The following NXN variants were observed in gnomAD, a reference collection of about 807,000 sequenced individuals.
NXN encodes the protein nucleoredoxin, also known as nucleoredoxin 1.
A neutral mutation model predicts 48.6 loss-of-function variants in NXN; 16 were observed. The observed-to-expected ratio is 0.33, with a 90% CI of 0.22 to 0.50. The LOEUF (loss-of-function observed/expected upper bound fraction) is 0.50. Ranked by LOEUF, NXN falls within the 20% of genes least tolerant of loss-of-function variation. The pLI is 0.98. For synonymous variants in NXN, 281 were observed against 269.6 expected (o/e 1.04, Z -0.41); for missense variants, 492 against 605.5 (o/e 0.81, Z 1.97).
intron 3 of NXN, among the ~76,000 whole-genome samples, chr17:823,204 G>C (rs1314304931): frequency 6.6e-6 from 1 of 152,056 alleles, no homozygotes; most frequent in African/African-American, 2.4e-5. Flanking sequence ...TTCGAGACCA[G>C]CCTGGCCAAC....
intron 1 of NXN, among the ~76,000 whole-genome samples, chr17:933,647 T>TCCCC (rs2068876926): frequency 6.6e-6 from 1 of 151,666 alleles, no homozygotes; most frequent in Non-Finnish European, 1.5e-5. Flanking sequence ...ATCTTGAAAT[T>TCCCC]CCCCCTTTCA....
chr17:876,374 G>A (rs750090473), intron 1 of NXN, among the ~76,000 whole-genome samples: 4 of 152,144 alleles, frequency 2.6e-5, no homozygotes, highest in Non-Finnish European at 1.5e-5. Context: ...AGGTGACAGA[G>A]GGACTTAAGA....
chr17:854,293 A>G (rs1411868354), intron 1 of NXN, among the ~76,000 whole-genome samples: 1 of 152,190 alleles, frequency 6.6e-6, no homozygotes, highest in Non-Finnish European at 1.5e-5. Context: ...TGCCGCTAGA[A>G]TATTTTTCAG....
intron 5 of NXN, among the ~76,000 whole-genome samples, chr17:810,915 T>TAAA (rs1911959528): frequency 1.3e-5 from 2 of 151,910 alleles, no homozygotes; most frequent in South Asian, 4.2e-4. Context: ...ACAAAACACA[T>TAAA]AAAAGAGAAC....
At chr17:969,184 C>A (rs1417470925) in intron 1 of NXN, among the ~76,000 whole-genome samples, 2 of 152,126 alleles carry the variant, frequency 1.3e-5, no homozygotes, top group African/African-American at 4.8e-5. Flanking sequence ...GCACCAGGCA[C>A]CATCCTAAGT....
intron 1 of NXN, among the ~76,000 whole-genome samples, chr17:831,717 T>C (rs1165040806): frequency 6.6e-6 from 1 of 151,782 alleles, no homozygotes; most frequent in African/African-American, 2.4e-5. Flanking sequence ...CCAGGCTGGT[T>C]TGGAACTCCT....
intron 1 of NXN, among the ~76,000 whole-genome samples, chr17:973,772 C>T (rs975295696): frequency 6.6e-6 from 1 of 151,866 alleles, no homozygotes; most frequent in Admixed American, 6.6e-5. Context: ...CTCCACCTCT[C>T]GGGTTCAAGC....
At chr17:922,976 G>A (rs915042402) in intron 1 of NXN, among the ~76,000 whole-genome samples, 2 of 151,958 alleles carry the variant, frequency 1.3e-5, no homozygotes, top group African/African-American at 2.4e-5. Context: ...ACAAGGTGCC[G>A]TGTGTGGCTC....
chr17:958,062 G>A lies in NXN; in HGVS notation c.360+21257C>T, dbSNP rs370761542. Among the ~76,000 whole-genome samples the A allele has an allele frequency of 5.9e-5, 9 of 152,192 alleles. No individual in the cohort carries two copies. The highest frequency in any genetic ancestry group is 1.9e-4 in the East Asian group (1 of 5,184). On this transcript the variant is annotated intron_variant, in intron 1 of 7. Transcript: ENST00000336868. This position sits in a 1 kb window ranked among gnomAD's most constrained non-coding sequence, Gnocchi z 6.9. Reference sequence around the variant, plus strand: ...GCTCCATCCTATACTTAGGCGCCTCGGCAGGATCAAATGAACCCTCTCCGT... The same window carrying A: ...GCTCCATCCTATACTTAGGCGCCTCAGCAGGATCAAATGAACCCTCTCCGT...
At chr17:824,311 T>C (rs1433742829) in intron 2 of NXN, among the ~76,000 whole-genome samples, 2 of 152,072 alleles carry the variant, frequency 1.3e-5, no homozygotes, top group African/African-American at 4.8e-5. Flanking sequence ...CCTCCCAAAG[T>C]GCTGGAATTA....
intron 5 of NXN, among the ~76,000 whole-genome samples, chr17:818,640 CTTTGGG>C (rs1172966060): frequency 1.3e-5 from 2 of 152,164 alleles, no homozygotes; most frequent in Admixed American, 6.5e-5. Context: ...CATCCCAGCA[CTTTGGG>C]AGGTCGAGGC....
intron 5 of NXN, among the ~76,000 whole-genome samples, chr17:813,519 TATA>T (rs1358585578): frequency 6.6e-6 from 1 of 152,262 alleles, no homozygotes; most frequent in African/African-American, 2.4e-5. Flanking sequence ...CCTGGAATGA[TATA>T]ATGATTTCCT....
intron 5 of NXN, among the ~76,000 whole-genome samples, chr17:812,770 G>C (rs1265834838): frequency 6.8e-6 from 1 of 147,590 alleles, no homozygotes; most frequent in African/African-American, 2.6e-5. Flanking sequence ...ATGTGTGAGT[G>C]TAGGTGTGTG....
chr17:903,467 T>C (rs2068555401), intron 1 of NXN, among the ~76,000 whole-genome samples: 1 of 152,154 alleles, frequency 6.6e-6, no homozygotes, highest in South Asian at 2.1e-4. Flanking sequence ...CTGCAACCTC[T>C]GCCTCCCAGG....
chr17:828,155 G>C (rs889734740), intron 1 of NXN, among the ~76,000 whole-genome samples: 2 of 152,130 alleles, frequency 1.3e-5, no homozygotes, highest in Admixed American at 1.3e-4. Flanking sequence ...CCAGGCTGGA[G>C]TGCAGTGGCA....
chr17:936,673 T>C (rs1348836185), intron 1 of NXN, among the ~76,000 whole-genome samples: 1 of 150,870 alleles, frequency 6.6e-6, no homozygotes, highest in Admixed American at 6.7e-5. Context: ...CTACGATGTC[T>C]GGCTAAAACG....
In NXN at chr17:841,861, G is replaced by A. The variant is rs143810932; in HGVS notation, c.361-15783C>T. 4.0e-3 allele frequency among the ~76,000 whole-genome samples: 613 copies of A among 152,334 alleles called. 5 individuals carry two copies. The highest frequency in any genetic ancestry group is 0.013 in the African/African-American group (542 of 41,582). Reference sequence around the variant, plus strand: ...TCCAATTACACCTGCTCTAGGTGGCGCACGGCGGCTCACGTCTGTAATCCC... The same window carrying A: ...TCCAATTACACCTGCTCTAGGTGGCACACGGCGGCTCACGTCTGTAATCCC... On this transcript the variant is annotated intron_variant, in intron 1 of 7. Transcript: ENST00000336868.
chr17:908,830 G>A (rs981961711), intron 1 of NXN, among the ~76,000 whole-genome samples: 2 of 151,942 alleles, frequency 1.3e-5, no homozygotes, highest in African/African-American at 4.8e-5. Flanking sequence ...CCGGCTGGGT[G>A]CGGTGGCTCA....
chr17:928,183 G>A (rs1309288043), intron 1 of NXN, among the ~76,000 whole-genome samples: 1 of 152,094 alleles, frequency 6.6e-6, no homozygotes, highest in African/African-American at 2.4e-5. Flanking sequence ...CTGCAAAGTG[G>A]GGGTCTCAAG....
Sources: gnomAD v4.1 joint callset for allele counts (sites outside exome capture counted in the v4.1 genomes callset) on GRCh38, gnomAD v4.1.1 for gene constraint, Gnocchi (gnomAD v3.1) non-coding constraint, MANE v1.5 for transcripts, NCBI Gene and HGNC (gene_info 2026-07-23, HGNC 2026-07-21) for gene names.